Variants in KIF21A observed in about 807,000 individuals in gnomAD.
The protein encoded by KIF21A is kinesin family member 21A.
KIF21A carries 114 observed loss-of-function variants against 202.9 expected under a neutral mutation model. The ratio of observed to expected loss-of-function variants is 0.56; its 90% CI spans 0.48 to 0.66. The LOEUF is 0.66. KIF21A is among the 30% of genes least tolerant of loss of function. KIF21A has a pLI of 0.00. For missense variants in KIF21A, 1,677 were observed against 1,994.9 expected, an observed-to-expected ratio of 0.84 and a Z score of 3.04; for synonymous variants, 667 against 670.8, an observed-to-expected ratio of 0.99 and a Z score of 0.09.
chr12:39,372,237 T>A (rs1950013262), intron 1 of KIF21A, among the ~76,000 whole-genome samples: 1 of 152,174 alleles, frequency 6.6e-6, no homozygotes, highest in Admixed American at 6.5e-5. Context: ...AAAACAGAAT[T>A]TTGTATGCCT....
chr12:39,349,300 A>G (rs113693106), intron 11 of KIF21A, among the ~76,000 whole-genome samples: 14 of 152,120 alleles, frequency 9.2e-5, no homozygotes, highest in Non-Finnish European at 1.8e-4. Context: ...AGAAATTTGG[A>G]CATCATGTAT....
intron 26 of KIF21A, 129 bp from the exon 27 acceptor site, chr12:39,323,011 C>CAGAGATTTAT: frequency 1.4e-4 from 80 of 572,514 alleles, no homozygotes; most frequent in South Asian, 6.0e-4. Context: ...GTGTGCCAAA[C>CAGAGATTTAT]ATAGCATGTG....
In KIF21A at chr12:39,337,222, A is replaced by T; in HGVS notation, c.2311-19T>A. The T allele has an allele frequency of 6.9e-7, 1 of 1,454,920 alleles. No individual in the cohort carries two copies. Among genetic ancestry groups the T allele is most frequent in the South Asian group, 1.1e-5 (1 of 87,776 alleles). 90.1% of individuals were successfully genotyped at this position (1,454,920 alleles called of 1,614,324 possible). ...GGCGAACCTAACCAATTAGGTATAG[A>T]CATCTATTGAAATTACTCTGTCACA... On this transcript the variant is annotated intron_variant, in intron 16 of 37. Coordinates refer to ENST00000361418, the MANE Select transcript of KIF21A (RefSeq NM_001173464.2).
intron 3 of KIF21A, among the ~76,000 whole-genome samples, chr12:39,369,337 G>A (rs1192887735): frequency 6.6e-6 from 1 of 152,084 alleles, no homozygotes; most frequent in Non-Finnish European, 1.5e-5. Flanking sequence ...GTGCATGCCT[G>A]TAGTCCCAGG....
rs1429085864 is a variant in KIF21A at position 39,322,896 on chromosome 12, G to A, written c.3457-14C>T. 2 of 1,495,930 alleles carry A rather than the reference G, an allele frequency of 1.3e-6. No individual in the cohort carries two copies. The highest frequency in any genetic ancestry group is 1.9e-5 in the Admixed American group (1 of 51,622). The allele number at this position is 1,495,930 out of a possible 1,614,324, so 92.7% of individuals were successfully genotyped here. On this transcript the variant is annotated splice_polypyrimidine_tract_variant and intron_variant, in intron 26 of 37. Transcript: ENST00000361418. ...TCTCCTTCGGGCCTAGTCAAAGAATGGAAGGAAAAGCAATCAGGAGCAAAC... is the reference window on the plus strand; with the variant it reads ...TCTCCTTCGGGCCTAGTCAAAGAATAGAAGGAAAAGCAATCAGGAGCAAAC...
chr12:39,309,524 TAA>T (rs779661888), intron 33 of KIF21A, 60 bp downstream of exon 33: 22,732 of 996,250 alleles, frequency 0.023, no homozygotes, highest in Middle Eastern at 0.025. Flanking sequence ...CTTATATTTG[TAA>T]AAAAAAAAAA....
intron 28 of KIF21A, 132 bp downstream of exon 28, chr12:39,319,774 G>A (rs1048507328): frequency 4.0e-5 from 26 of 654,304 alleles, no homozygotes; most frequent in African/African-American, 3.5e-4. Flanking sequence ...TGACTTGACT[G>A]TCTTGATTAG....
chr12:39,328,492 CAACCATATGCT>C (rs1285498732), intron 24 of KIF21A, among the ~76,000 whole-genome samples: 1 of 152,130 alleles, frequency 6.6e-6, no homozygotes, highest in Non-Finnish European at 1.5e-5. Flanking sequence ...GTCATGAATA[CAACCATATGCT>C]AAGCCCTCTG....
intron 1 of KIF21A, among the ~76,000 whole-genome samples, chr12:39,412,386 C>G (rs1319941032): frequency 1.3e-5 from 2 of 152,048 alleles, no homozygotes; most frequent in Non-Finnish European, 2.9e-5. Flanking sequence ...GTTGTTTATG[C>G]CTACTCTACC....
rs149981573 is a variant in KIF21A at position 39,379,804 on chromosome 12, C to T, written c.45-9543G>A. Among the ~76,000 whole-genome samples the T allele has an allele frequency of 2.7e-3, 411 of 152,306 alleles. 1 individual carries two copies. The highest frequency in any genetic ancestry group is 0.017 in the South Asian group (82 of 4,816). On this transcript the variant is annotated intron_variant, in intron 1 of 37. Coordinates refer to ENST00000361418, the MANE Select transcript of KIF21A (RefSeq NM_001173464.2). ...AGCCAGTGGTACAGTAGTCTACCTTCTGTTACTAACACCAGAACACTGCCT... is the reference window on the plus strand; with the variant it reads ...AGCCAGTGGTACAGTAGTCTACCTTTTGTTACTAACACCAGAACACTGCCT...
chr12:39,408,634 G>C (rs1469561376), intron 1 of KIF21A, among the ~76,000 whole-genome samples: 1 of 152,184 alleles, frequency 6.6e-6, no homozygotes, highest in Non-Finnish European at 1.5e-5. Context: ...GGACAAAGAA[G>C]ATGTGTTTGG....
rs1196054440 is a variant in KIF21A at position 39,323,437 on chromosome 12, A to T, written c.3457-555T>A. ...ATGCTTAATTTCTTTTTCTAATACA[A>T]TTTTTTTTCAATTATTGTAAGCCTC... On this transcript the variant is annotated intron_variant, in intron 26 of 37. Transcript: ENST00000361418. Among the ~76,000 whole-genome samples, 3 of 151,982 alleles carry T rather than the reference A, an allele frequency of 2.0e-5. No homozygotes were observed. The East Asian group carries it at 5.8e-4, about 29-fold the overall frequency.
intron 1 of KIF21A, among the ~76,000 whole-genome samples, chr12:39,373,651 C>T (rs1159706598): frequency 6.6e-6 from 1 of 152,170 alleles, no homozygotes; most frequent in Non-Finnish European, 1.5e-5. Context: ...ATGATTATAA[C>T]CATAGGCTAA....
At chr12:39,357,161 C>A in intron 9 of KIF21A, 87 bp downstream of exon 9, 1 of 1,162,964 alleles carries the variant, frequency 8.6e-7, no homozygotes, top group Non-Finnish European at 1.3e-6. Context: ...ATTTCTATTT[C>A]AACTATGCTA....
At chr12:39,363,308 C>A in intron 6 of KIF21A, 95 bp from the exon 7 acceptor site, 1 of 714,724 alleles carries the variant, frequency 1.4e-6, no homozygotes, top group Non-Finnish European at 2.4e-6. Flanking sequence ...AATATAGAGA[C>A]ATAATATAAT....
chr12:39,319,272 A>T (rs1944936863), intron 28 of KIF21A, among the ~76,000 whole-genome samples: 1 of 152,190 alleles, frequency 6.6e-6, no homozygotes, highest in Non-Finnish European at 1.5e-5. Context: ...GAGGGGTGGC[A>T]GGGTAACAGT....
At chr12:39,359,225 C>T (rs1949021141) in intron 7 of KIF21A, among the ~76,000 whole-genome samples, 1 of 152,106 alleles carries the variant, frequency 6.6e-6, no homozygotes, top group African/African-American at 2.4e-5. Context: ...TGTCCCATTC[C>T]ACACCTTTTT....
chr12:39,321,040 A>G (rs1310393116), intron 27 of KIF21A, among the ~76,000 whole-genome samples: 1 of 151,786 alleles, frequency 6.6e-6, no homozygotes, highest in Non-Finnish European at 1.5e-5. Flanking sequence ...TAAAAGCAAA[A>G]ACTAAATGTA....
At chr12:39,366,626 C>T in intron 5 of KIF21A, 109 bp from the exon 6 acceptor site, 2 of 809,930 alleles carry the variant, frequency 2.5e-6, no homozygotes, top group Non-Finnish European at 3.9e-6. Context: ...ACCAAAGAAA[C>T]AGGCATAAAG....
Sources: allele counts gnomAD v4.1 joint callset (sites outside exome capture counted in the v4.1 genomes callset), GRCh38; gene constraint gnomAD v4.1.1; transcripts MANE v1.5; gene names NCBI Gene and HGNC (gene_info 2026-07-23, HGNC 2026-07-21).